The following ACIN1 variants were observed in gnomAD, a reference collection of about 807,000 sequenced individuals.
The protein encoded by ACIN1 is apoptotic chromatin condensation inducer in the nucleus.
In ACIN1, 16 loss-of-function variants were observed where a neutral mutation model predicts 146.6. The observed-to-expected ratio is 0.11, with a 90% CI of 0.07 to 0.17. The LOEUF (loss-of-function observed/expected upper bound fraction) is 0.17. Ranked by LOEUF, ACIN1 falls within the 10% of genes least tolerant of loss-of-function variation. ACIN1 has a pLI of 1.00. For missense variants in ACIN1, 1,357 were observed against 1,609.3 expected, an observed-to-expected ratio of 0.84 and a Z score of 2.68; for synonymous variants, 569 against 582.7, an observed-to-expected ratio of 0.98 and a Z score of 0.34.
chr14:23,069,502 T>C lies in ACIN1; in HGVS notation c.2239A>G (p.Ser747Gly), dbSNP rs2047561347. Residue 747 changes from serine (S) to glycine (G), a missense_variant, in exon 9 of 19, where the codon AGT becomes GGT. This residue lies in a region of ACIN1 where 771 missense variants were observed against 746.6 expected (regional missense o/e 1.03). Coordinates refer to ENST00000605057, the MANE Select transcript of ACIN1 (RefSeq NM_001386863.1). ...TCTTTCTTCTCCTCATCTTCAACAC[T>C]GCCCTCCGGGCGGTCATCATTGCTG... is the stretch of plus-strand genomic sequence containing the variant. ...QVSNDDRPEGSVEDEEKKESS... is the reference protein window; with the variant it reads ...QVSNDDRPEGGVEDEEKKESS... The C allele has an allele frequency of 6.2e-7, 1 of 1,613,936 alleles. No individual in the cohort carries two copies. Among genetic ancestry groups the C allele is most frequent in the Admixed American group, 1.7e-5 (1 of 59,988 alleles).
intron 2 of ACIN1, among the ~76,000 whole-genome samples, chr14:23,091,173 G>A (rs1043688895): frequency 2.0e-5 from 3 of 151,902 alleles, no homozygotes; most frequent in Non-Finnish European, 4.4e-5. Flanking sequence ...CCAAAGTGCT[G>A]GGATTACAAG....
In ACIN1 at chr14:23,059,236, C is replaced by T; in HGVS notation, c.3764G>A (p.Gly1255Asp). The T allele has an allele frequency of 1.9e-6, 3 of 1,613,920 alleles. No individual in the cohort carries two copies. The highest frequency in any genetic ancestry group is 1.1e-5 in the South Asian group (1 of 91,052). ...GGTGTCCCTGCGATCCCTTTCCCTG[C>T]CTCGTTCTCGGTCCCTTTCCCTATC... ...DRDRERDRER[G>D]RERDRRDTKR... is the part of the protein sequence containing the mutation. Residue 1255 changes from glycine to aspartate, a missense_variant, in exon 19 of 19, where the codon GGC becomes GAC. This residue lies in a region of ACIN1 where 509 missense variants were observed against 719.6 expected (regional missense o/e 0.71). Coordinates refer to ENST00000605057, the MANE Select transcript of ACIN1 (RefSeq NM_001386863.1).
In ACIN1 at chr14:23,067,280, G is replaced by A; in HGVS notation, c.2266-1272C>T. On this transcript the variant is annotated intron_variant, in intron 9 of 18. Coordinates refer to ENST00000605057, the MANE Select transcript of ACIN1 (RefSeq NM_001386863.1). The surrounding 1 kb of genome is among the most constrained non-coding windows in gnomAD (Gnocchi z 4.6). ...GAAAATAAAGAAGAAAATAAACTAGGAATATGACAAATGTTCCAGGTACCA... is the reference window on the plus strand; with the variant it reads ...GAAAATAAAGAAGAAAATAAACTAGAAATATGACAAATGTTCCAGGTACCA... 1 of 983,376 alleles carries A rather than the reference G, an allele frequency of 1.0e-6. No homozygotes were observed. Among genetic ancestry groups the A allele is most frequent in the South Asian group, 4.7e-5 (1 of 21,200 alleles). 60.9% of individuals were successfully genotyped at this position (983,376 alleles called of 1,614,324 possible). A position where few individuals can be genotyped will look rare whatever the true frequency, so the allele number is the denominator to read the frequency against.
chr14:23,066,118 A>G, intron 9 of ACIN1, 110 bp from the exon 10 acceptor site: 1 of 779,884 alleles, frequency 1.3e-6, no homozygotes, highest in South Asian at 1.6e-5. Context: ...AGACACAGAT[A>G]GAGTGAGAGA....
intron 1 of ACIN1, chr14:23,094,582 T>C: frequency 1.0e-6 from 1 of 975,310 alleles, no homozygotes; most frequent in Non-Finnish European, 1.2e-6. Context: ...TTCGCGCAAC[T>C]ATACCCCTAA....
chr14:23,079,050 T>C lies in ACIN1; in HGVS notation c.1789-12A>G. ...CCAGGGCTCAGAGACTAAAACAAAATGAAACACATAACAAGGAAAATTATT... is the reference window on the plus strand; with the variant it reads ...CCAGGGCTCAGAGACTAAAACAAAACGAAACACATAACAAGGAAAATTATT... On this transcript the variant is annotated splice_polypyrimidine_tract_variant and intron_variant, in intron 6 of 18. Transcript: ENST00000605057. 1 of 1,609,740 alleles carries C rather than the reference T, an allele frequency of 6.2e-7. No individual in the cohort carries two copies. The highest frequency in any genetic ancestry group is 8.5e-7 in the Non-Finnish European group (1 of 1,177,396).
chr14:23,065,350 G>A (rs1459077253), intron 10 of ACIN1, among the ~76,000 whole-genome samples: 1 of 152,222 alleles, frequency 6.6e-6, no homozygotes, highest in Admixed American at 6.5e-5. Context: ...CACTTTGGGA[G>A]GCCAAGGCAG....
chr14:23,068,529 T>G lies in ACIN1; in HGVS notation c.2265+947A>C, dbSNP rs2047527368. On this transcript the variant is annotated intron_variant, in intron 9 of 18. Transcript: ENST00000605057. This position sits in a 1 kb window ranked among gnomAD's most constrained non-coding sequence, Gnocchi z 4.3. Reference sequence around the variant, plus strand: ...ACAGGAGCCCATATACATGCCCCCCTCTGGCCAAGACACCTGGATAGCAGA... The same window carrying G: ...ACAGGAGCCCATATACATGCCCCCCGCTGGCCAAGACACCTGGATAGCAGA... The G allele has an allele frequency of 1.0e-6, 1 of 985,760 alleles. No homozygotes were observed. The allele number at this position is 985,760 out of a possible 1,614,324, so 61.1% of individuals were successfully genotyped here.
At chr14:23,091,426 C>T (rs562854297) in intron 2 of ACIN1, among the ~76,000 whole-genome samples, 6 of 151,904 alleles carry the variant, frequency 3.9e-5, no homozygotes, top group African/African-American at 9.7e-5. Flanking sequence ...TGGCAAAACC[C>T]GTCTCTACCA....
rs2140007045 is a variant in ACIN1 at position 23,062,944 on chromosome 14, G to A, written c.2868C>T (p.Val956=). The A allele has an allele frequency of 6.2e-7, 1 of 1,609,594 alleles. No homozygotes were observed. Among genetic ancestry groups the A allele is most frequent in the Admixed American group, 1.7e-5 (1 of 58,576 alleles). The change falls in exon 14 of 19, where the codon GTC becomes GTT. Residue 956 remains valine, a synonymous_variant. Coordinates refer to ENST00000605057, the MANE Select transcript of ACIN1 (RefSeq NM_001386863.1). The part of the protein sequence containing the change: ...SPPRGKISNI[V]HISNLVRPFT... ...AATGACTTACCAAATTGGAGATATG[G>A]ACAATGTTGCTAATCTTGCCCCGGG...
intron 8 of ACIN1, among the ~76,000 whole-genome samples, chr14:23,075,752 T>A (rs1209642028): frequency 1.3e-5 from 2 of 151,924 alleles, no homozygotes; most frequent in African/African-American, 4.8e-5. Context: ...TTGCCCAGGC[T>A]GGAGTGCAAT....
intron 4 of ACIN1, among the ~76,000 whole-genome samples, chr14:23,085,933 G>A (rs1280059536): frequency 2.6e-5 from 4 of 152,202 alleles, no homozygotes; most frequent in Admixed American, 2.0e-4. Context: ...AGGCTTCACA[G>A]AAAGGAAAAG....
chr14:23,092,189 A>C (rs961893667), intron 2 of ACIN1, among the ~76,000 whole-genome samples: 29 of 152,016 alleles, frequency 1.9e-4, no homozygotes, highest in African/African-American at 6.8e-4. Context: ...CTTCTTGCTT[A>C]GCAAGTCCTA....
intron 14 of ACIN1, 126 bp downstream of exon 14, chr14:23,062,803 C>A: frequency 1.7e-6 from 2 of 1,149,902 alleles, no homozygotes; most frequent in Non-Finnish European, 2.5e-6. Context: ...GTAACTCACT[C>A]AAGATCAGTG....
intron 2 of ACIN1, 110 bp from the exon 3 acceptor site, chr14:23,090,743 A>G (rs1381491795): frequency 4.1e-6 from 3 of 739,948 alleles, no homozygotes; most frequent in African/African-American, 3.5e-5. Context: ...CCCAAGAAAG[A>G]TAACTAAAAT....
At chr14:23,063,622 C>G (rs1477784124) in intron 12 of ACIN1, 45 bp from the exon 13 acceptor site, 2 of 1,609,816 alleles carry the variant, frequency 1.2e-6, no homozygotes, top group Non-Finnish European at 1.7e-6. Flanking sequence ...AAACACCAAA[C>G]TGGCATATTC....
intron 12 of ACIN1, among the ~76,000 whole-genome samples, chr14:23,063,852 T>C (rs1439503032): frequency 6.6e-6 from 1 of 152,218 alleles, no homozygotes; most frequent in African/African-American, 2.4e-5. Flanking sequence ...ACTACTCAAC[T>C]CTGGTGATGT....
chr14:23,065,564 G>C (rs1403030492), intron 10 of ACIN1, among the ~76,000 whole-genome samples: 1 of 152,140 alleles, frequency 6.6e-6, no homozygotes. Flanking sequence ...TCCAGCCTAG[G>C]GTACTACAGA....
Position 23,080,381 on chromosome 14 carries a change from A to G in ACIN1, c.954T>C (p.Ser318=). Residue 318 remains serine, a synonymous_variant, in exon 6 of 19, where the codon TCT becomes TCC. Coordinates refer to ENST00000605057, the MANE Select transcript of ACIN1 (RefSeq NM_001386863.1). ...TCGATTTTTCCTTTAAGCCTTGTGA[A>G]GATTTTATTTCTCTTTCTTCCTCCT... is the stretch of plus-strand genomic sequence containing the variant. ...PLEEEEREIK[S]SQGLKEKSKS... is the part of the protein sequence containing the mutation. 1 of 1,614,168 alleles carries G rather than the reference A, an allele frequency of 6.2e-7. No individual in the cohort carries two copies. The highest frequency in any genetic ancestry group is 8.5e-7 in the Non-Finnish European group (1 of 1,180,040).
Sources: gnomAD v4.1 joint callset for allele counts (sites outside exome capture counted in the v4.1 genomes callset) on GRCh38, gnomAD v4.1.1 for gene constraint, gnomAD v4.1.1 regional missense constraint, Gnocchi (gnomAD v3.1) non-coding constraint, MANE v1.5 for transcripts, NCBI Gene and HGNC (gene_info 2026-07-23, HGNC 2026-07-21) for gene names.